FOXP1: variants seen among roughly 807,000 people sequenced by gnomAD.
FOXP1 encodes the protein forkhead box protein P1.
In FOXP1, 15 loss-of-function variants were observed where a neutral mutation model predicts 98.2. The ratio of observed to expected loss-of-function variants is 0.15; its 90% CI spans 0.10 to 0.24. The LOEUF is 0.24. Among genes scored for constraint, FOXP1 ranks in the 10% least tolerant of loss-of-function variants. FOXP1 has a pLI of 1.00. For missense variants in FOXP1, 633 were observed against 848.5 expected (o/e 0.75, Z 3.15); for synonymous variants, 371 against 314.5 (o/e 1.18, Z -1.90).
At position 71,400,627 on chromosome 3, in the gene FOXP1, G is replaced by A. The variant is rs553482455; in HGVS notation, c.-167-41383C>T. Among the ~76,000 whole-genome samples, 3 of 152,226 alleles carry A rather than the reference G, an allele frequency of 2.0e-5. No individual in the cohort carries two copies. The South Asian group carries it at 6.2e-4, about 32-fold the overall frequency. Reference sequence around the variant, plus strand: ...CCCACCTCGGCCTCCCAAAGTTCTGGGATCAATGCCTGAGCCACCACGGCC... The same window carrying A: ...CCCACCTCGGCCTCCCAAAGTTCTGAGATCAATGCCTGAGCCACCACGGCC... On this transcript the variant is annotated intron_variant, in intron 3 of 20. Coordinates refer to ENST00000649528, the MANE Select transcript of FOXP1 (RefSeq NM_001349338.3).
rs192703883 is a variant in FOXP1, at chr3:71,158,438, C to T, written c.180+39764G>A. Among the ~76,000 whole-genome samples the T allele has an allele frequency of 1.4e-3, 214 of 152,174 alleles. 1 individual carries two copies. Among genetic ancestry groups the T allele is most frequent in the African/African-American group, 4.6e-3 (189 of 41,534 alleles). ...GTTAGGAGGCCCCTGAGCTGTCCCTCTGAGGCACTCATCCTAAGGTATGGA... is the reference window on the plus strand; with the variant it reads ...GTTAGGAGGCCCCTGAGCTGTCCCTTTGAGGCACTCATCCTAAGGTATGGA... On this transcript the variant is annotated intron_variant, in intron 6 of 20. Transcript: ENST00000649528.
intron 2 of FOXP1, among the ~76,000 whole-genome samples, chr3:71,563,693 T>C (rs995798762): frequency 1.3e-5 from 2 of 152,206 alleles, no homozygotes; most frequent in African/African-American, 4.8e-5. Context: ...AGAGGAGACT[T>C]TGTAACTCTA....
chr3:70,994,371 C>T (rs1358558859), intron 13 of FOXP1, among the ~76,000 whole-genome samples: 1 of 152,074 alleles, frequency 6.6e-6, no homozygotes, highest in African/African-American at 2.4e-5. Flanking sequence ...AGTTGGTCAC[C>T]CTATTTCGTG....
intron 11 of FOXP1, among the ~76,000 whole-genome samples, chr3:71,036,326 C>A (rs1389289797): frequency 6.6e-6 from 1 of 152,148 alleles, no homozygotes; most frequent in Non-Finnish European, 1.5e-5. Flanking sequence ...GAGTAAAGCG[C>A]CCAGTGTGCG....
At chr3:71,467,145 TAACA>T (rs1197307356) in intron 3 of FOXP1, among the ~76,000 whole-genome samples, 2 of 152,176 alleles carry the variant, frequency 1.3e-5, no homozygotes, top group East Asian at 3.8e-4. Context: ...TATGTGTATA[TAACA>T]AACATACACG....
intron 6 of FOXP1, among the ~76,000 whole-genome samples, chr3:71,136,383 T>C (rs2059821891): frequency 6.6e-6 from 1 of 152,234 alleles, no homozygotes; most frequent in African/African-American, 2.4e-5. Flanking sequence ...AACTAAATAT[T>C]GTTTCCTTCA....
chr3:71,367,328 T>C (rs1010047652), intron 3 of FOXP1, among the ~76,000 whole-genome samples: 1 of 151,992 alleles, frequency 6.6e-6, no homozygotes. Flanking sequence ...ACATACACAC[T>C]CCCTCTCTCT....
chr3:71,506,414 T>G (rs2041826106), intron 2 of FOXP1, among the ~76,000 whole-genome samples: 1 of 152,054 alleles, frequency 6.6e-6, no homozygotes, highest in African/African-American at 2.4e-5. Flanking sequence ...GCGGCGTATC[T>G]GCTATTCGAA....
At chr3:70,978,075 A>G in intron 14 of FOXP1, 46 bp from the exon 15 acceptor site, 2 of 1,538,418 alleles carry the variant, frequency 1.3e-6, no homozygotes, top group Non-Finnish European at 1.8e-6. Flanking sequence ...AGAAAACCAG[A>G]GCAACCCAGG....
At chr3:71,449,000 T>C (rs558493288) in intron 3 of FOXP1, among the ~76,000 whole-genome samples, 1 of 152,366 alleles carries the variant, frequency 6.6e-6, no homozygotes, top group Non-Finnish European at 1.5e-5. Context: ...ATGCGTGTTA[T>C]GACCAGACCT....
intron 11 of FOXP1, 117 bp downstream of exon 11, chr3:71,041,211 A>G (rs1455813005): frequency 3.7e-6 from 3 of 809,330 alleles, no homozygotes; most frequent in Non-Finnish European, 6.5e-6. Context: ...CAGTAATTAT[A>G]TGCACATTCA....
chr3:71,051,861 T>C (rs559718516), intron 9 of FOXP1, among the ~76,000 whole-genome samples: 2 of 152,276 alleles, frequency 1.3e-5, no homozygotes, highest in Middle Eastern at 3.4e-3. Context: ...TCAACCTTCA[T>C]GGTGTGGCAT....
At chr3:71,258,819 C>T (rs933590863) in intron 5 of FOXP1, among the ~76,000 whole-genome samples, 2 of 152,076 alleles carry the variant, frequency 1.3e-5, no homozygotes. Context: ...CAATGTTGAC[C>T]GCAGAGAAAC....
chr3:71,149,224 GGGCTATGGGAGGAAA>G (rs1390271350), intron 6 of FOXP1, among the ~76,000 whole-genome samples: 1 of 152,138 alleles, frequency 6.6e-6, no homozygotes, highest in African/African-American at 2.4e-5. Flanking sequence ...CTGTCTGCGT[GGGCTATGGGAGGAAA>G]GGCAAGTTAT....
At position 71,001,025 on chromosome 3, in the gene FOXP1, T is replaced by C; in HGVS notation, c.1009A>G (p.Ser337Gly). The part of the protein sequence containing the change: ...LNSEHALDDR[S>G]TAQCRVQMQV... ...ATTTGTACTCTACATTGGGCTGTACTTCTATCGTCCAGCGCATGCTCACTG... is the reference window on the plus strand; with the variant it reads ...ATTTGTACTCTACATTGGGCTGTACCTCTATCGTCCAGCGCATGCTCACTG... Residue 337 changes from serine (S) to glycine (G), a missense_variant, in exon 13 of 21, where the codon AGT becomes GGT. This residue lies in a region of FOXP1 where 23 missense variants were observed against 92.9 expected (regional missense o/e 0.25). Transcript: ENST00000649528. 1 of 1,613,568 alleles carries C rather than the reference T, an allele frequency of 6.2e-7. No individual in the cohort carries two copies. Among genetic ancestry groups the C allele is most frequent in the Non-Finnish European group, 8.5e-7 (1 of 1,179,528 alleles).
At chr3:71,005,133 C>T (rs1397987682) in intron 12 of FOXP1, among the ~76,000 whole-genome samples, 2 of 151,686 alleles carry the variant, frequency 1.3e-5, no homozygotes, top group Non-Finnish European at 2.9e-5. Context: ...ATTTTTATTA[C>T]TTTTTCTTTA....
chr3:71,211,915 C>G (rs747353098), intron 5 of FOXP1, among the ~76,000 whole-genome samples: 9 of 152,186 alleles, frequency 5.9e-5, no homozygotes, highest in Non-Finnish European at 1.3e-4. Flanking sequence ...TCAGAGGAAA[C>G]TTTGTATCAC....
At chr3:71,535,314 T>C (rs1432764480) in intron 2 of FOXP1, among the ~76,000 whole-genome samples, 2 of 152,028 alleles carry the variant, frequency 1.3e-5, no homozygotes, top group African/African-American at 4.8e-5. Flanking sequence ...GAGAACTTAA[T>C]AGGTCCACTC....
intron 6 of FOXP1, among the ~76,000 whole-genome samples, chr3:71,148,747 T>G (rs1351625351): frequency 6.6e-6 from 1 of 152,202 alleles, no homozygotes; most frequent in Non-Finnish European, 1.5e-5. Flanking sequence ...CCATTGAATC[T>G]ATGGTTATCT....
Sources: gnomAD v4.1 joint callset for allele counts (sites outside exome capture counted in the v4.1 genomes callset) on GRCh38, gnomAD v4.1.1 for gene constraint, gnomAD v4.1.1 regional missense constraint, MANE v1.5 for transcripts, NCBI Gene and HGNC (gene_info 2026-07-23, HGNC 2026-07-21) for gene names.